Variants in CELSR3 observed in about 807,000 individuals in gnomAD.
CELSR3 encodes the protein cadherin EGF LAG seven-pass G-type receptor 3.
Under a neutral mutation model 270.0 loss-of-function variants are expected in CELSR3, and 73 were observed. The observed-to-expected ratio is 0.27, with a 90% confidence interval of 0.22 to 0.33. CELSR3 has a LOEUF of 0.33. Ranked by LOEUF, CELSR3 falls within the 10% of genes least tolerant of loss-of-function variation. The probability of loss-of-function intolerance (pLI) is 1.00; values close to 1 mark genes in which losing one functional copy is unlikely to be tolerated. For missense variants in CELSR3, 3,614 were observed against 4,533.8 expected (o/e 0.80, Z 5.83); for synonymous variants, 1,780 against 1,905.4 (o/e 0.93, Z 1.71).
chr3:48,646,840 G>A lies in CELSR3; in HGVS notation c.7218C>T (p.Ser2406=), dbSNP rs755389367. The A allele has an allele frequency of 2.5e-6, 4 of 1,602,506 alleles. No individual in the cohort carries two copies. The highest frequency in any genetic ancestry group is 3.4e-6 in the Non-Finnish European group (4 of 1,175,930). ...TGCGGTAAACGAGGAGAATGATAAT[G>A]GAGATCCCAGGCTCTGGCTCTGGCG... ...PAPPEPEPGI[S]IIILLVYRTL... The change falls in exon 21 of 35, where the codon TCC becomes TCT. Residue 2406 remains serine (S), a synonymous_variant. Transcript: ENST00000164024. The surrounding 1 kb of genome is among the most constrained non-coding windows in gnomAD (Gnocchi z 4.8).
rs1296928353 is a variant in CELSR3 at position 48,648,732 on chromosome 3, G to A, written c.6764C>T (p.Ala2255Val). 6.2e-7 allele frequency: 1 copy of A among 1,611,482 alleles called. No individual in the cohort carries two copies. Among genetic ancestry groups the A allele is most frequent in the Non-Finnish European group, 8.5e-7 (1 of 1,179,874 alleles). Residue 2255 changes from alanine to valine, a missense_variant, in exon 18 of 35, where the codon GCC becomes GTC. Ala to Val is a moderately conservative substitution (Grantham distance 64). Around this residue, in one of 7 missense-constraint regions of CELSR3, gnomAD observed 1,331 missense variants for 1,933.7 expected, o/e 0.69. Transcript: ENST00000164024. The part of the protein sequence containing the change: ...QGFGLTATQD[A>V]HFNENLLWAG... The stretch of plus-strand genomic sequence containing the variant: ...GCACAGCCCCACCTCATTGAAGTGG[G>A]CATCCTGTGTGGCTGTCAGCCCGAA...
chr3:48,639,664 C>T lies in CELSR3; in HGVS notation c.9911+10G>A, dbSNP rs756876883. 8.7e-6 allele frequency: 14 copies of T among 1,612,556 alleles called. No individual in the cohort carries two copies. The highest frequency in any genetic ancestry group is 1.2e-5 in the Non-Finnish European group (14 of 1,179,562). Reference sequence around the variant, plus strand: ...ATGAGGGTGCAAGCAGGTGGCTGGACCATACTTACTCTGAGTCTGGCGACA... The same window carrying T: ...ATGAGGGTGCAAGCAGGTGGCTGGATCATACTTACTCTGAGTCTGGCGACA... On this transcript the variant is annotated intron_variant, in intron 34 of 34. Transcript: ENST00000164024. The surrounding 1 kb of genome is among the most constrained non-coding windows in gnomAD (Gnocchi z 4.1).
chr3:48,660,470 T>C lies in CELSR3; in HGVS notation c.2165A>G (p.Tyr722Cys), dbSNP rs748433768. 22 of 1,613,960 alleles carry C rather than the reference T, an allele frequency of 1.4e-5. No homozygotes were observed. The highest frequency in any genetic ancestry group is 1.8e-5 in the Non-Finnish European group (21 of 1,180,036). ...GTCTCGAGCCTCCACACCAAAGAAGTAATGCTCCACAGACTCACGGTCCAG... is the reference window on the plus strand; with the variant it reads ...GTCTCGAGCCTCCACACCAAAGAAGCAATGCTCCACAGACTCACGGTCCAG... ...GPLDRESVEH[Y>C]FFGVEARDHG... The change falls in exon 1 of 35, where the codon TAC becomes TGC. Residue 722 changes from tyrosine (Y) to cysteine (C), a missense_variant. Around this residue, in one of 7 missense-constraint regions of CELSR3, gnomAD observed 215 missense variants for 241.2 expected, o/e 0.89. Transcript: ENST00000164024. The surrounding 1 kb of genome is among the most constrained non-coding windows in gnomAD (Gnocchi z 5.5).
In CELSR3 at chr3:48,639,517, T is replaced by G. The variant is rs954082814; in HGVS notation, c.9911+157A>C. On this transcript the variant is annotated intron_variant, in intron 34 of 34. Transcript: ENST00000164024. The surrounding 1 kb of genome is among the most constrained non-coding windows in gnomAD (Gnocchi z 4.1). The stretch of plus-strand genomic sequence containing the variant: ...ACACCCCCATTTCTTGCCAGATTCC[T>G]GTCCCCAGCCTGTGGCCCTCTGGCT... 2.0e-5 allele frequency among the ~76,000 whole-genome samples: 3 copies of G among 152,206 alleles called. No individual in the cohort carries two copies. The highest frequency in any genetic ancestry group is 4.8e-5 in the African/African-American group (2 of 41,456).
Position 48,661,342 on chromosome 3 carries a change from C to G in CELSR3, c.1293G>C (p.Pro431=). The G allele has an allele frequency of 6.2e-7, 1 of 1,613,252 alleles. No individual in the cohort carries two copies. Among genetic ancestry groups the G allele is most frequent in the Non-Finnish European group, 8.5e-7 (1 of 1,179,906 alleles). ...VTVADRNDHS[P]VFEQAQYRET... ...CCCGGTACTGCGCTTGCTCAAAAACCGGCGAGTGGTCGTTGCGGTCGGCTA... is the reference window on the plus strand; with the variant it reads ...CCCGGTACTGCGCTTGCTCAAAAACGGGCGAGTGGTCGTTGCGGTCGGCTA... The change falls in exon 1 of 35, where the codon CCG becomes CCC. Residue 431 remains proline, a synonymous_variant. Coordinates refer to ENST00000164024, the MANE Select transcript of CELSR3 (RefSeq NM_001407.3).
Position 48,646,849 on chromosome 3 carries a change from A to G in CELSR3, c.7209T>C (p.Pro2403=). The G allele has an allele frequency of 1.2e-6, 2 of 1,600,648 alleles. No individual in the cohort carries two copies. The highest frequency in any genetic ancestry group is 1.7e-4 in the Middle Eastern group (1 of 6,016). ...VPPPAPPEPE[P]GISIIILLVY... ...CGAGGAGAATGATAATGGAGATCCC[A>G]GGCTCTGGCTCTGGCGGGGCTGGTG... Residue 2403 remains proline (P), a synonymous_variant, in exon 21 of 35, where the codon CCT becomes CCC. Transcript: ENST00000164024. This position sits in a 1 kb window ranked among gnomAD's most constrained non-coding sequence, Gnocchi z 4.8.
chr3:48,661,948 G>A lies in CELSR3; in HGVS notation c.687C>T (p.Ala229=), dbSNP rs1368254061. ...RATTSGAERT[A]PRRNCLPGAS... ...CCCCTGGAAGACAGTTCCGCCGGGGGGCTGTCCTTTCTGCTCCGGATGTCG... is the reference window on the plus strand; with the variant it reads ...CCCCTGGAAGACAGTTCCGCCGGGGAGCTGTCCTTTCTGCTCCGGATGTCG... The change falls in exon 1 of 35, where the codon GCC becomes GCT. Residue 229 remains alanine (A), a synonymous_variant. Coordinates refer to ENST00000164024, the MANE Select transcript of CELSR3 (RefSeq NM_001407.3). The A allele has an allele frequency of 1.2e-6, 2 of 1,613,552 alleles. No individual in the cohort carries two copies. The highest frequency in any genetic ancestry group is 8.5e-7 in the Non-Finnish European group (1 of 1,180,032).
chr3:48,641,917 G>C lies in CELSR3; in HGVS notation c.8758C>G (p.Arg2920Gly). Reference protein sequence around the residue: ...SSESEDNGRTRGRFQRPLCRA... With the variant: ...SSESEDNGRTGGRFQRPLCRA... ...CAGAGTGGCCGTTGGAAGCGCCCCC[G>C]CGTCCGGCCATTGTCCTCGCTTTCT... The change falls in exon 32 of 35, where the codon CGG (arginine) becomes GGG (glycine). Residue 2920 changes from arginine (R) to glycine (G), a missense_variant. By Grantham distance (125) the Arg-to-Gly change is moderately radical. This residue lies in a region of CELSR3 where 1,240 missense variants were observed against 1,351.7 expected (regional missense o/e 0.92). Coordinates refer to ENST00000164024, the MANE Select transcript of CELSR3 (RefSeq NM_001407.3). The surrounding 1 kb of genome is among the most constrained non-coding windows in gnomAD (Gnocchi z 4.8). 6.3e-7 allele frequency: 1 copy of C among 1,596,250 alleles called. No homozygotes were observed.
In CELSR3 at chr3:48,646,864, C is replaced by A. The variant is rs148887759; in HGVS notation, c.7194G>T (p.Pro2398=). Residue 2398 remains proline (P), a synonymous_variant, in exon 21 of 35, where the codon CCG becomes CCT. Transcript: ENST00000164024. This position sits in a 1 kb window ranked among gnomAD's most constrained non-coding sequence, Gnocchi z 4.8. ...TGGAGATCCCAGGCTCTGGCTCTGG[C>A]GGGGCTGGTGGGGGGACCACACTTG... ...TTSSVVPPPA[P]PEPEPGISII... 3.1e-6 allele frequency: 5 copies of A among 1,592,630 alleles called. No homozygotes were observed. Among genetic ancestry groups the A allele is most frequent in the South Asian group, 1.1e-5 (1 of 88,512 alleles).
chr3:48,644,658 C>A lies in CELSR3; in HGVS notation c.8085+58G>T. ...ACCGCCCTCAGCTGAGTCCACTGCACCTCCTCCCCCAATGAGGGAGGGAAG... is the reference window on the plus strand; with the variant it reads ...ACCGCCCTCAGCTGAGTCCACTGCAACTCCTCCCCCAATGAGGGAGGGAAG... On this transcript the variant is annotated intron_variant, in intron 26 of 34. Coordinates refer to ENST00000164024, the MANE Select transcript of CELSR3 (RefSeq NM_001407.3). The surrounding 1 kb of genome is among the most constrained non-coding windows in gnomAD (Gnocchi z 4.8). 2 of 1,375,992 alleles carry A rather than the reference C, an allele frequency of 1.5e-6. No homozygotes were observed. Among genetic ancestry groups the A allele is most frequent in the Non-Finnish European group, 2.1e-6 (2 of 969,788 alleles). 85.2% of individuals were successfully genotyped at this position (1,375,992 alleles called of 1,614,324 possible).
chr3:48,648,749 C>G lies in CELSR3; in HGVS notation c.6747G>C (p.Leu2249=), dbSNP rs2047110932. Residue 2249 remains leucine, a synonymous_variant, in exon 18 of 35, where the codon CTG becomes CTC. Transcript: ENST00000164024. ...TGAAGTGGGCATCCTGTGTGGCTGTCAGCCCGAAGCCCTGCTGATGGCTCT... is the reference window on the plus strand; with the variant it reads ...TGAAGTGGGCATCCTGTGTGGCTGTGAGCCCGAAGCCCTGCTGATGGCTCT... ...AFESHQQGFG[L]TATQDAHFNE... 4.3e-6 allele frequency: 7 copies of G among 1,612,544 alleles called. No individual in the cohort carries two copies. The highest frequency in any genetic ancestry group is 5.9e-6 in the Non-Finnish European group (7 of 1,179,962).
chr3:48,648,018 G>C (rs1383504320), intron 19 of CELSR3, 22 bp from the exon 20 acceptor site: 16 of 1,610,634 alleles, frequency 9.9e-6, no homozygotes, highest in Non-Finnish European at 1.3e-5. Flanking sequence ...AAAGAAAGGG[G>C]AGGCCCATCA....
At chr3:48,648,138 G>C (rs548562491) in intron 19 of CELSR3, 128 bp downstream of exon 19, 1 of 1,418,118 alleles carries the variant, frequency 7.1e-7, no homozygotes, top group East Asian at 2.4e-5. Context: ...CCTACAAAAC[G>C]CTGAGGGCGG....
rs547714181 is a variant in CELSR3 at position 48,651,627 on chromosome 3, G to A, written c.6015C>T (p.Gly2005=). 4.7e-5 allele frequency: 75 copies of A among 1,591,554 alleles called. No homozygotes were observed. The South Asian group carries it at 7.6e-4, about 16-fold the overall frequency. The change falls in exon 13 of 35, where the codon GGC becomes GGT. Residue 2005 remains glycine (G), a synonymous_variant. Transcript: ENST00000164024. This position sits in a 1 kb window ranked among gnomAD's most constrained non-coding sequence, Gnocchi z 7.4. ...SCRHLPGAPH[G]YTCDCVGGYF... is the part of the protein sequence containing the mutation. ...AGCCACCCACACAGTCACAGGTATA[G>A]CCATGGGGGGCTCCTGGCAGGTGCC...
In CELSR3 at chr3:48,652,034, G is replaced by T; in HGVS notation, c.5766C>A (p.Gly1922=). Residue 1922 remains glycine (G), a synonymous_variant, in exon 12 of 35, where the codon GGC becomes GGA. Transcript: ENST00000164024. This position sits in a 1 kb window ranked among gnomAD's most constrained non-coding sequence, Gnocchi z 4.3. ...GGGCCGGGGAGCCAGAGGGTGTGGA[G>T]CCGAGCCACACCCCCTGTGGACACA... ...LVGCIQGVWL[G]STPSGSPALL... The T allele has an allele frequency of 6.4e-7, 1 of 1,556,256 alleles. No individual in the cohort carries two copies. The highest frequency in any genetic ancestry group is 8.7e-7 in the Non-Finnish European group (1 of 1,155,806).
chr3:48,646,865 G>A lies in CELSR3; in HGVS notation c.7193C>T (p.Pro2398Leu), dbSNP rs770346267. ...TTSSVVPPPA[P>L]PEPEPGISII... is the part of the protein sequence containing the mutation. ...GGAGATCCCAGGCTCTGGCTCTGGC[G>A]GGGCTGGTGGGGGGACCACACTTGA... is the stretch of plus-strand genomic sequence containing the variant. The change falls in exon 21 of 35, where the codon CCG becomes CTG. Residue 2398 changes from proline to leucine, a missense_variant. Physicochemically the swap from Pro to Leu is moderately conservative, Grantham distance 98 (BLOSUM62 -3). Around this residue, in one of 7 missense-constraint regions of CELSR3, gnomAD observed 1,240 missense variants for 1,351.7 expected, o/e 0.92. Coordinates refer to ENST00000164024, the MANE Select transcript of CELSR3 (RefSeq NM_001407.3). The surrounding 1 kb of genome is among the most constrained non-coding windows in gnomAD (Gnocchi z 4.8). 36 of 1,590,684 alleles carry A rather than the reference G, an allele frequency of 2.3e-5. No homozygotes were observed. The East Asian group carries it at 2.3e-4, about 10-fold the overall frequency.
At position 48,650,641 on chromosome 3, in the gene CELSR3, C is replaced by T. The variant is rs144752224; in HGVS notation, c.6371-60G>A. On this transcript the variant is annotated intron_variant, in intron 15 of 34. Coordinates refer to ENST00000164024, the MANE Select transcript of CELSR3 (RefSeq NM_001407.3). The surrounding 1 kb of genome is among the most constrained non-coding windows in gnomAD (Gnocchi z 5.1). ...GGGTACAGGGCAGTTGACAGCCACACCCACTGCCCCTCCACCACCCCCCAC... is the reference window on the plus strand; with the variant it reads ...GGGTACAGGGCAGTTGACAGCCACATCCACTGCCCCTCCACCACCCCCCAC... 815 of 1,358,202 alleles carry T rather than the reference C, an allele frequency of 6.0e-4. 6 individuals carry two copies. In the African/African-American group the frequency reaches 0.01, roughly 17 times the overall value. 84.1% of individuals were successfully genotyped at this position (1,358,202 alleles called of 1,614,324 possible).
At position 48,644,096 on chromosome 3, in the gene CELSR3, C is replaced by A; in HGVS notation, c.8165+120G>T. 1.3e-6 allele frequency: 1 copy of A among 789,576 alleles called. No individual in the cohort carries two copies. The highest frequency in any genetic ancestry group is 2.6e-5 in the East Asian group (1 of 38,766). The allele number at this position is 789,576 out of a possible 1,614,324, so 48.9% of individuals were successfully genotyped here. On this transcript the variant is annotated intron_variant, in intron 27 of 34. Transcript: ENST00000164024. The surrounding 1 kb of genome is among the most constrained non-coding windows in gnomAD (Gnocchi z 4.8). The stretch of plus-strand genomic sequence containing the variant: ...CCACAGGTCAGGGCAGGTGTGACTT[C>A]ATTCCTTCATCTAGAACTTGGAGCC...
Position 48,653,489 on chromosome 3 carries a change from G to T in CELSR3, c.5448+130C>A. ...AGAGAATCAAGGGCTAGGGTCCAGA[G>T]CAGGGTCAAGTGTGGTTGGGACACC... On this transcript the variant is annotated intron_variant, in intron 9 of 34. Coordinates refer to ENST00000164024, the MANE Select transcript of CELSR3 (RefSeq NM_001407.3). The surrounding 1 kb of genome is among the most constrained non-coding windows in gnomAD (Gnocchi z 6.5). 9.3e-7 allele frequency: 1 copy of T among 1,071,804 alleles called. No individual in the cohort carries two copies. The highest frequency in any genetic ancestry group is 1.4e-6 in the Non-Finnish European group (1 of 722,180). 66.4% of individuals were successfully genotyped at this position (1,071,804 alleles called of 1,614,324 possible).
Sources: allele counts gnomAD v4.1 joint callset (sites outside exome capture counted in the v4.1 genomes callset), GRCh38; gene constraint gnomAD v4.1.1; regional missense constraint gnomAD v4.1.1; non-coding constraint Gnocchi (gnomAD v3.1); transcripts MANE v1.5; gene names NCBI Gene and HGNC (gene_info 2026-07-23, HGNC 2026-07-21).